Variants in MAGI2 observed in about 807,000 individuals in gnomAD.
The protein encoded by MAGI2 is membrane-associated guanylate kinase, WW and PDZ domain-containing protein 2.
A neutral mutation model predicts 133.3 loss-of-function variants in MAGI2; 35 were observed. The observed-to-expected ratio is 0.26, with a 90% confidence interval of 0.20 to 0.35. The LOEUF is 0.35. Ranked by LOEUF, MAGI2 falls within the 10% of genes least tolerant of loss-of-function variation. The pLI, the probability that MAGI2 is intolerant of heterozygous loss-of-function variation, is 1.00. For missense variants in MAGI2, 1,636 were observed against 1,863.4 expected, an observed-to-expected ratio of 0.88 and a Z score of 2.25; for synonymous variants, 729 against 710.6, an observed-to-expected ratio of 1.03 and a Z score of -0.41.
rs59414419 is a variant in MAGI2, at chr7:79,359,669, AACACACACACACACAC to A, written c.301+93335_301+93350del. 8.6e-4 allele frequency among the ~76,000 whole-genome samples: 120 copies of A among 140,112 alleles called. 2 individuals are homozygous for A. Among genetic ancestry groups the A allele is most frequent in the African/African-American group, 2.3e-3 (86 of 37,974 alleles). 91.9% of individuals were successfully genotyped at this position (140,112 alleles called of 152,430 possible). A position where few individuals can be genotyped will look rare whatever the true frequency, so the allele number is the denominator to read the frequency against. On this transcript the variant is annotated intron_variant, in intron 1 of 21. Transcript: ENST00000354212. ...ACCAAAAGGAAATGCTCAAGTGGGAAACACACACACACACACACACACACACACACACACACACACA... is the reference window on the plus strand; with the variant it reads ...ACCAAAAGGAAATGCTCAAGTGGGAAACACACACACACACACACACACACA...
chr7:78,604,716 G>A (rs185083557), intron 3 of MAGI2, among the ~76,000 whole-genome samples: 37 of 152,286 alleles, frequency 2.4e-4, no homozygotes, highest in Non-Finnish European at 2.6e-4. Context: ...ACAGGCACCC[G>A]GAAGTATAAG....
intron 1 of MAGI2, among the ~76,000 whole-genome samples, chr7:79,437,875 G>A (rs1350462704): frequency 6.6e-6 from 1 of 152,056 alleles, no homozygotes; most frequent in Non-Finnish European, 1.5e-5. Context: ...TATATATGAT[G>A]AATCAATTCC....
rs1394068376 is a variant in MAGI2, at chr7:78,573,565, A to G, written c.539-51920T>C. 2.0e-5 allele frequency among the ~76,000 whole-genome samples: 3 copies of G among 146,802 alleles called. No homozygotes were observed. In the South Asian group the frequency reaches 6.5e-4, roughly 32 times the overall value. On this transcript the variant is annotated intron_variant, in intron 3 of 21. Transcript: ENST00000354212. Reference sequence around the variant, plus strand: ...TTGATAAATGGGCCGGAGTAACACAATTTCTTTGAAGCCCTTCATTTATTC... The same window carrying G: ...TTGATAAATGGGCCGGAGTAACACAGTTTCTTTGAAGCCCTTCATTTATTC...
At chr7:79,197,261 A>C (rs562092760) in intron 1 of MAGI2, among the ~76,000 whole-genome samples, 52 of 151,996 alleles carry the variant, frequency 3.4e-4, no homozygotes, top group Middle Eastern at 3.4e-3. Context: ...TTTTTGACTG[A>C]CTTACCAATT....
intron 9 of MAGI2, among the ~76,000 whole-genome samples, chr7:78,281,042 TATC>T (rs969722670): frequency 6.6e-5 from 10 of 152,060 alleles, no homozygotes; most frequent in South Asian, 2.1e-4. Context: ...AGTCATCAGA[TATC>T]ATTTTTTTCT....
chr7:79,155,492 G>T (rs1338249870), intron 1 of MAGI2, among the ~76,000 whole-genome samples: 1 of 152,106 alleles, frequency 6.6e-6, no homozygotes, highest in African/African-American at 2.4e-5. Context: ...TATTTGGAAA[G>T]ATGGGAACAC....
intron 3 of MAGI2, among the ~76,000 whole-genome samples, chr7:78,589,156 G>A (rs934524647): frequency 7.9e-5 from 12 of 152,158 alleles, no homozygotes; most frequent in Admixed American, 7.9e-4. Context: ...TTTTGAAGTA[G>A]ATACTCAAAA....
chr7:78,584,505 TA>T (rs1803195163), intron 3 of MAGI2, among the ~76,000 whole-genome samples: 1 of 134,734 alleles, frequency 7.4e-6, no homozygotes, highest in Non-Finnish European at 1.6e-5. Context: ...GAAAGGAAAA[TA>T]CTACTTTCCT....
At chr7:79,416,764 T>C (rs1846559019) in intron 1 of MAGI2, among the ~76,000 whole-genome samples, 1 of 141,596 alleles carries the variant, frequency 7.1e-6, no homozygotes, top group Non-Finnish European at 1.5e-5. Flanking sequence ...TCTTGCTCTG[T>C]TATCCAGGCT....
chr7:78,373,434 G>A (rs1794123492), intron 6 of MAGI2, among the ~76,000 whole-genome samples: 1 of 152,154 alleles, frequency 6.6e-6, no homozygotes, highest in African/African-American at 2.4e-5. Context: ...AGATGTAAAT[G>A]TTAGGGGCAG....
At chr7:78,257,761 C>A (rs895710444) in intron 9 of MAGI2, among the ~76,000 whole-genome samples, 8 of 151,940 alleles carry the variant, frequency 5.3e-5, no homozygotes, top group Non-Finnish European at 1.0e-4. Context: ...TGAGATTGTG[C>A]CTGACTATGC....
At chr7:79,445,265 C>T (rs1848768583) in intron 1 of MAGI2, among the ~76,000 whole-genome samples, 1 of 152,100 alleles carries the variant, frequency 6.6e-6, no homozygotes, top group African/African-American at 2.4e-5. Context: ...GCAAGGACTT[C>T]ATGTCTAAAA....
intron 5 of MAGI2, among the ~76,000 whole-genome samples, chr7:78,493,932 C>A (rs1457587806): frequency 6.6e-6 from 1 of 152,060 alleles, no homozygotes; most frequent in Admixed American, 6.6e-5. Context: ...TTTCTCCTTA[C>A]AAACCTAAAT....
rs552234191 is a variant in MAGI2 at position 79,342,789 on chromosome 7, C to T, written c.301+110231G>A. On this transcript the variant is annotated intron_variant, in intron 1 of 21. Transcript: ENST00000354212. ...TTTATTTATTTTTGAGACAGAGTTTCGCTTTTGTTGCCCAAGGTGGAGTGC... is the reference window on the plus strand; with the variant it reads ...TTTATTTATTTTTGAGACAGAGTTTTGCTTTTGTTGCCCAAGGTGGAGTGC... 5.9e-5 allele frequency among the ~76,000 whole-genome samples: 9 copies of T among 151,992 alleles called. No individual in the cohort carries two copies. The East Asian group carries it at 7.7e-4, about 13-fold the overall frequency.
chr7:78,054,109 A>C (rs150614452), intron 21 of MAGI2, among the ~76,000 whole-genome samples: 2 of 152,212 alleles, frequency 1.3e-5, no homozygotes, highest in East Asian at 3.9e-4. Context: ...CACTTTACAC[A>C]GCAATACACA....
chr7:78,282,744 T>G (rs1266901874), intron 9 of MAGI2, among the ~76,000 whole-genome samples: 1 of 152,102 alleles, frequency 6.6e-6, no homozygotes, highest in African/African-American at 2.4e-5. Context: ...ATTCAACTGA[T>G]CAATCTGGAT....
chr7:78,162,587 G>C (rs1289982530), intron 15 of MAGI2, among the ~76,000 whole-genome samples: 7 of 151,906 alleles, frequency 4.6e-5, no homozygotes, highest in African/African-American at 1.7e-4. Context: ...TAAAAGGCTG[G>C]GAGTGGCAAT....
intron 20 of MAGI2, among the ~76,000 whole-genome samples, chr7:78,082,517 G>C (rs1479719410): frequency 6.6e-6 from 1 of 152,164 alleles, no homozygotes; most frequent in Non-Finnish European, 1.5e-5. Flanking sequence ...GGTCCCCTCA[G>C]AGGGAGAGGC....
intron 9 of MAGI2, among the ~76,000 whole-genome samples, chr7:78,303,240 AT>A (rs1317924646): frequency 6.6e-6 from 1 of 151,932 alleles, no homozygotes; most frequent in African/African-American, 2.4e-5. Context: ...TCAGCCAGGC[AT>A]GGTGGCAGGC....
Sources: gnomAD v4.1 joint callset for allele counts (sites outside exome capture counted in the v4.1 genomes callset) on GRCh38, gnomAD v4.1.1 for gene constraint, MANE v1.5 for transcripts, NCBI Gene and HGNC (gene_info 2026-07-23, HGNC 2026-07-21) for gene names.